Variants in CDR2 observed in about 807,000 individuals in gnomAD.
CDR2 encodes cerebellar degeneration related protein 2.
A neutral mutation model predicts 48.4 loss-of-function variants in CDR2; 34 were observed. The observed-to-expected ratio is 0.70, with a 90% CI of 0.53 to 0.94. The LOEUF (loss-of-function observed/expected upper bound fraction) is 0.94. Among genes scored for constraint, CDR2 ranks in the 40% least tolerant of loss-of-function variants. The pLI, the probability that CDR2 is intolerant of heterozygous loss-of-function variation, is 0.00. For missense variants in CDR2, 498 were observed against 549.5 expected (o/e 0.91, Z 0.94); for synonymous variants, 240 against 219.7 (o/e 1.09, Z -0.82).
At chr16:22,359,641 G>C (rs924428507) in intron 2 of CDR2, among the ~76,000 whole-genome samples, 3 of 152,130 alleles carry the variant, frequency 2.0e-5, no homozygotes, top group Admixed American at 6.5e-5. Context: ...GGAGCAAAGA[G>C]AATCTGAGGG....
At position 22,374,555 on chromosome 16, in the gene CDR2, A is replaced by T. The variant is rs967526175; in HGVS notation, c.-246T>A. On this transcript the variant is annotated 5_prime_UTR_variant, in exon 1 of 5. Transcript: ENST00000268383. ...CGGGCATTACGGTGCGAACGCCTGG[A>T]GCCGGAGTCTCACGCAGCCGCCAGT... 1 of 194,410 alleles carries T rather than the reference A, an allele frequency of 5.1e-6. No individual in the cohort carries two copies. The highest frequency in any genetic ancestry group is 2.4e-5 in the African/African-American group (1 of 42,476). The allele number at this position is 194,410 out of a possible 1,614,324, so 12.0% of individuals were successfully genotyped here.
At position 22,349,392 on chromosome 16, in the gene CDR2, G is replaced by T. The variant is rs777262435; in HGVS notation, c.393C>A (p.Ser131Arg). ...CAGATGACTTCAGCTCCTCCACTTG[G>T]CTCTGGAGGTGATCAATGTTGGTTT... ...CLQTNIDHLQ[S>R]QVEELKSSGQ... The change falls in exon 4 of 5, where the codon AGC (serine) becomes AGA (arginine). Residue 131 changes from serine to arginine, a missense_variant. By Grantham distance (110) the Ser-to-Arg change is moderately radical. Coordinates refer to ENST00000268383, the MANE Select transcript of CDR2 (RefSeq NM_001802.2). The T allele has an allele frequency of 1.2e-6, 2 of 1,614,062 alleles. No homozygotes were observed. Among genetic ancestry groups the T allele is most frequent in the Admixed American group, 1.7e-5 (1 of 60,002 alleles).
intron 1 of CDR2, among the ~76,000 whole-genome samples, chr16:22,369,521 C>T (rs987460850): frequency 6.6e-6 from 1 of 152,134 alleles, no homozygotes; most frequent in Non-Finnish European, 1.5e-5. Context: ...AACCTTATTT[C>T]CAGTAAAACA....
chr16:22,357,700 AGTT>A (rs1271994914), intron 2 of CDR2, among the ~76,000 whole-genome samples: 2 of 152,222 alleles, frequency 1.3e-5, no homozygotes, highest in African/African-American at 4.8e-5. Context: ...ATGGGTCTCA[AGTT>A]GTTGTTCTCT....
rs1048652733 is a variant in CDR2, at chr16:22,371,473, A to T, written c.79+2758T>A. The stretch of plus-strand genomic sequence containing the variant: ...TCTCTAGTGAACAGATTCCTGGAAC[A>T]TTCACTCTATGGGAGTAGGAATCCT... On this transcript the variant is annotated intron_variant, in intron 1 of 4. Coordinates refer to ENST00000268383, the MANE Select transcript of CDR2 (RefSeq NM_001802.2). Among the ~76,000 whole-genome samples, 3 of 152,228 alleles carry T rather than the reference A, an allele frequency of 2.0e-5. No homozygotes were observed. The East Asian group carries it at 5.8e-4, about 29-fold the overall frequency.
At chr16:22,366,119 G>A (rs773760359) in intron 1 of CDR2, among the ~76,000 whole-genome samples, 2 of 152,220 alleles carry the variant, frequency 1.3e-5, no homozygotes, top group Non-Finnish European at 2.9e-5. Flanking sequence ...ACTATGCTAA[G>A]CATTAGCTAT....
intron 2 of CDR2, among the ~76,000 whole-genome samples, chr16:22,364,180 C>A (rs2049029592): frequency 6.6e-6 from 1 of 152,030 alleles, no homozygotes; most frequent in Admixed American, 6.6e-5. Context: ...TGAGCTTGGG[C>A]AATCTGTCTC....
chr16:22,366,876 T>C (rs1385600522), intron 1 of CDR2, among the ~76,000 whole-genome samples: 1 of 152,052 alleles, frequency 6.6e-6, no homozygotes, highest in East Asian at 1.9e-4. Flanking sequence ...TGGACCAGGG[T>C]GGCAGAGATG....
rs1033312994 is a variant in CDR2, at chr16:22,346,845, G to A, written c.*120C>T. ...CTCGTTGTATGCATTTGCTAAATAA[G>A]CAAAGCAATGAGGCAAACGTCATGA... is the stretch of plus-strand genomic sequence containing the variant. On this transcript the variant is annotated 3_prime_UTR_variant, in exon 5 of 5. Transcript: ENST00000268383. The A allele has an allele frequency of 1.4e-5, 16 of 1,120,024 alleles. No individual in the cohort carries two copies. The African/African-American group carries it at 2.5e-4, about 17-fold the overall frequency. 69.4% of individuals were successfully genotyped at this position (1,120,024 alleles called of 1,614,324 possible).
intron 2 of CDR2, among the ~76,000 whole-genome samples, chr16:22,356,124 A>C (rs2048972767): frequency 6.6e-6 from 1 of 152,206 alleles, no homozygotes; most frequent in Non-Finnish European, 1.5e-5. Flanking sequence ...ATACGTATCT[A>C]TATTACATCA....
intron 2 of CDR2, among the ~76,000 whole-genome samples, chr16:22,350,195 A>C (rs1399540112): frequency 6.6e-6 from 1 of 152,104 alleles, no homozygotes; most frequent in Admixed American, 6.6e-5. Flanking sequence ...ATCTCAAAAA[A>C]AAAAAAAAGA....
chr16:22,357,241 G>A (rs533641998), intron 2 of CDR2, among the ~76,000 whole-genome samples: 37 of 152,172 alleles, frequency 2.4e-4, no homozygotes, highest in Admixed American at 9.2e-4. Flanking sequence ...TAGAGACTGG[G>A]TTTCACCATG....
chr16:22,346,837 C>CTAA lies in CDR2; in HGVS notation c.*125_*127dup, dbSNP rs1363296246. 9.6e-7 allele frequency: 1 copy of CTAA among 1,036,632 alleles called. No homozygotes were observed. The highest frequency in any genetic ancestry group is 1.4e-6 in the Non-Finnish European group (1 of 699,592). 64.2% of individuals were successfully genotyped at this position (1,036,632 alleles called of 1,614,324 possible). ...CTCCTTTCCTCGTTGTATGCATTTG[C>CTAA]TAAATAAGCAAAGCAATGAGGCAAA... On this transcript the variant is annotated 3_prime_UTR_variant, in exon 5 of 5. Coordinates refer to ENST00000268383, the MANE Select transcript of CDR2 (RefSeq NM_001802.2).
At chr16:22,358,209 T>C (rs1211122896) in intron 2 of CDR2, among the ~76,000 whole-genome samples, 4 of 152,134 alleles carry the variant, frequency 2.6e-5, no homozygotes, top group African/African-American at 4.8e-5. Flanking sequence ...GGTACAGACA[T>C]GCTGCTGACA....
intron 2 of CDR2, among the ~76,000 whole-genome samples, chr16:22,350,893 T>A (rs1302242353): frequency 1.3e-5 from 2 of 152,192 alleles, no homozygotes; most frequent in East Asian, 3.8e-4. Flanking sequence ...TAAAAAAAAT[T>A]ATACTCTAAG....
At chr16:22,352,371 C>CT (rs928687518) in intron 2 of CDR2, among the ~76,000 whole-genome samples, 1,468 of 146,728 alleles carry the variant, frequency 0.01, 9 homozygotes, top group Non-Finnish European at 0.014. Context: ...GCATATATGG[C>CT]TTTTTTTTTT....
chr16:22,374,265 G>C lies in CDR2; in HGVS notation c.45C>G (p.Asp15Glu), dbSNP rs774834654. The part of the protein sequence containing the change: ...NLVEEFEMKE[D>E]EPWYDHQDLQ... ...GGTCCTGGTGGTCGTACCACGGCTC[G>C]TCCTCCTTCATCTCAAACTCCTCTA... Residue 15 changes from aspartate (D) to glutamate (E), a missense_variant, in exon 1 of 5, where the codon GAC becomes GAG. Physicochemically the swap from Asp to Glu is conservative, Grantham distance 45 (BLOSUM62 2). Transcript: ENST00000268383. The C allele has an allele frequency of 1.9e-6, 3 of 1,603,324 alleles. No individual in the cohort carries two copies. The Admixed American group carries it at 5.1e-5, about 27-fold the overall frequency.
At chr16:22,352,927 T>G (rs1430941100) in intron 2 of CDR2, among the ~76,000 whole-genome samples, 1 of 152,170 alleles carries the variant, frequency 6.6e-6, no homozygotes, top group African/African-American at 2.4e-5. Flanking sequence ...AGGCCCTTAA[T>G]CCTGCCCTCG....
At chr16:22,365,195 G>C in intron 1 of CDR2, 181 bp from the exon 2 acceptor site, 1 of 560,196 alleles carries the variant, frequency 1.8e-6, no homozygotes, top group Non-Finnish European at 3.2e-6. Flanking sequence ...AGCAGGTAAT[G>C]TATTCTCTTA....
Sources: gnomAD v4.1 joint callset for allele counts (sites outside exome capture counted in the v4.1 genomes callset) on GRCh38, gnomAD v4.1.1 for gene constraint, MANE v1.5 for transcripts, NCBI Gene and HGNC (gene_info 2026-07-23, HGNC 2026-07-21) for gene names.